ADGRL2: variants seen among roughly 807,000 people sequenced by gnomAD.
ADGRL2 encodes adhesion G protein-coupled receptor L2.
In ADGRL2, 44 loss-of-function variants were observed where a neutral mutation model predicts 157.4. The ratio of observed to expected loss-of-function variants is 0.28; its 90% confidence interval spans 0.22 to 0.36. The LOEUF is 0.36. ADGRL2 is among the 10% of genes least tolerant of loss of function. The pLI is 1.00. For missense variants in ADGRL2, 1,510 were observed against 1,768.9 expected, an observed-to-expected ratio of 0.85 and a Z score of 2.63; for synonymous variants, 585 against 624.7, an observed-to-expected ratio of 0.94 and a Z score of 0.95.
intron 1 of ADGRL2, among the ~76,000 whole-genome samples, chr1:81,712,260 G>A (rs1167099216): frequency 1.3e-5 from 2 of 152,186 alleles, no homozygotes; most frequent in Non-Finnish European, 2.9e-5. Context: ...GAGATTCCAT[G>A]TTGTATTGCA....
chr1:81,639,540 C>CAAA lies in ADGRL2; in HGVS notation c.-143+58583_-143+58585dup, dbSNP rs56281820. On this transcript the variant is annotated intron_variant, in intron 3 of 24. Transcript: ENST00000370721. ...CCAATGTAGTGAGACTCCATCTCTA[C>CAAA]AAAAAAAAAAAAAAAAAAAAAAAAA... 4.2e-3 allele frequency among the ~76,000 whole-genome samples: 350 copies of CAAA among 82,926 alleles called. 1 individual carries two copies. Among genetic ancestry groups the CAAA allele is most frequent in the Middle Eastern group, 0.013 (1 of 78 alleles). The allele number at this position is 82,926 out of a possible 152,430, so 54.4% of individuals were successfully genotyped here. A position where few individuals can be genotyped will look rare whatever the true frequency, so the allele number is the denominator to read the frequency against.
At chr1:81,385,549 A>T (rs1404194981) in intron 1 of ADGRL2, among the ~76,000 whole-genome samples, 1 of 152,052 alleles carries the variant, frequency 6.6e-6, no homozygotes, top group Non-Finnish European at 1.5e-5. Flanking sequence ...GCACATAGAA[A>T]TATTTCCTAA....
chr1:81,871,142 T>A (rs1257793945), intron 2 of ADGRL2, among the ~76,000 whole-genome samples: 1 of 138,996 alleles, frequency 7.2e-6, no homozygotes, highest in Non-Finnish European at 1.5e-5. Context: ...TGTCCAAGTG[T>A]TCTCACTGTT....
At chr1:81,347,812 G>A (rs970307131) in intron 1 of ADGRL2, among the ~76,000 whole-genome samples, 1 of 152,140 alleles carries the variant, frequency 6.6e-6, no homozygotes, top group Non-Finnish European at 1.5e-5. Flanking sequence ...CAGGAATACA[G>A]ATGGGATAGA....
chr1:81,688,047 C>G (rs2083264573), intron 3 of ADGRL2, among the ~76,000 whole-genome samples: 1 of 152,154 alleles, frequency 6.6e-6, no homozygotes, highest in Admixed American at 6.5e-5. Flanking sequence ...TGCTGTTAAT[C>G]TGATAGGTTT....
chr1:81,663,377 T>C (rs1394626995), intron 3 of ADGRL2, among the ~76,000 whole-genome samples: 2 of 152,110 alleles, frequency 1.3e-5, no homozygotes, highest in Non-Finnish European at 2.9e-5. Context: ...TCCATACACC[T>C]CTCGCCTACG....
chr1:81,632,475 T>C (rs1304727203), intron 3 of ADGRL2, among the ~76,000 whole-genome samples: 1 of 151,948 alleles, frequency 6.6e-6, no homozygotes, highest in Non-Finnish European at 1.5e-5. Context: ...AAGAAAGTCA[T>C]AGGCCCGGCA....
chr1:81,696,261 G>A (rs1421364325), upstream of ADGRL2, among the ~76,000 whole-genome samples: 1 of 151,826 alleles, frequency 6.6e-6, no homozygotes, highest in African/African-American at 2.4e-5. Context: ...TGTGTTGTCC[G>A]TGTAAAGCTT....
intron 1 of ADGRL2, among the ~76,000 whole-genome samples, chr1:81,371,857 G>A (rs773504953): frequency 1.1e-4 from 16 of 151,900 alleles, no homozygotes; most frequent in Non-Finnish European, 1.5e-4. Flanking sequence ...ATAATTGCTG[G>A]GAATATTGAA....
At chr1:81,356,094 T>C (rs1310429175) in intron 1 of ADGRL2, among the ~76,000 whole-genome samples, 1 of 152,142 alleles carries the variant, frequency 6.6e-6, no homozygotes, top group Non-Finnish European at 1.5e-5. Flanking sequence ...TGGGAAGAGA[T>C]AAGAAAAACC....
intron 2 of ADGRL2, among the ~76,000 whole-genome samples, chr1:81,872,533 G>A (rs2093725402): frequency 1.3e-5 from 2 of 152,006 alleles, no homozygotes; most frequent in African/African-American, 2.4e-5. Context: ...TTGATTTTAG[G>A]TATTGTCACT....
intron 1 of ADGRL2, among the ~76,000 whole-genome samples, chr1:81,311,962 T>C (rs2100554904): frequency 6.6e-6 from 1 of 152,294 alleles, no homozygotes; most frequent in East Asian, 1.9e-4. Context: ...TTTTAAACAA[T>C]TCAGACTTTG....
chr1:81,920,906 G>A (rs1275179215), intron 3 of ADGRL2, among the ~76,000 whole-genome samples: 1 of 151,642 alleles, frequency 6.6e-6, no homozygotes, highest in Non-Finnish European at 1.5e-5. Context: ...TCTAAAAATG[G>A]CTTTTTGCAC....
intron 2 of ADGRL2, among the ~76,000 whole-genome samples, chr1:81,882,296 G>C (rs2094008507): frequency 6.6e-6 from 1 of 151,944 alleles, no homozygotes; most frequent in African/African-American, 2.4e-5. Flanking sequence ...TGAAGAATTT[G>C]GTTTATGCCA....
chr1:81,345,782 G>T (rs568554056), intron 1 of ADGRL2, among the ~76,000 whole-genome samples: 4 of 152,002 alleles, frequency 2.6e-5, no homozygotes, highest in African/African-American at 9.7e-5. Flanking sequence ...ACGTAAAAAT[G>T]CTTAGAATAT....
rs181576654 is a variant in ADGRL2 at position 81,909,639 on chromosome 1, C to T, written c.287+2409C>T. On this transcript the variant is annotated intron_variant, in intron 3 of 23. Coordinates refer to ENST00000686636, the MANE Select transcript of ADGRL2 (RefSeq NM_001366006.2). Reference sequence around the variant, plus strand: ...GTTTTTGAATATTAAGTGAGAATTTCTGCCATCTTCAAATAGTATACAGAT... The same window carrying T: ...GTTTTTGAATATTAAGTGAGAATTTTTGCCATCTTCAAATAGTATACAGAT... 1.9e-3 allele frequency among the ~76,000 whole-genome samples: 283 copies of T among 152,100 alleles called. 1 individual carries two copies. The highest frequency in any genetic ancestry group is 0.017 in the Middle Eastern group (5 of 294).
intron 2 of ADGRL2, among the ~76,000 whole-genome samples, chr1:81,539,083 A>C: frequency 6.6e-6 from 1 of 152,236 alleles, no homozygotes; most frequent in African/African-American, 2.4e-5. Context: ...GTGCAAAATA[A>C]AAATCTTTGT....
chr1:81,710,272 G>A (rs924032608), intron 1 of ADGRL2, among the ~76,000 whole-genome samples: 4 of 152,124 alleles, frequency 2.6e-5, no homozygotes, highest in Admixed American at 2.6e-4. Flanking sequence ...TTCTATAGCA[G>A]TGTTTCTCAA....
At chr1:81,682,092 T>C in intron 3 of ADGRL2, among the ~76,000 whole-genome samples, 1 of 140,832 alleles carries the variant, frequency 7.1e-6, no homozygotes, top group East Asian at 2.0e-4. Flanking sequence ...GTTCCATATA[T>C]ATACATATAT....
Sources: allele counts gnomAD v4.1 joint callset (sites outside exome capture counted in the v4.1 genomes callset), GRCh38; gene constraint gnomAD v4.1.1; transcripts MANE v1.5; gene names NCBI Gene and HGNC (gene_info 2026-07-23, HGNC 2026-07-21).